Variants in ALOXE3 observed in about 807,000 individuals in gnomAD.
ALOXE3 encodes the protein hydroperoxide isomerase ALOXE3.
A neutral mutation model predicts 87.5 loss-of-function variants in ALOXE3; 78 were observed. The ratio of observed to expected loss-of-function variants is 0.89; its 90% confidence interval spans 0.74 to 1.08. ALOXE3 has a LOEUF of 1.08. Among genes scored for constraint, ALOXE3 ranks in the 50% least tolerant of loss-of-function variants. The pLI, the probability that ALOXE3 is intolerant of heterozygous loss-of-function variation, is 0.00. For missense variants in ALOXE3, 946 were observed against 912.4 expected (o/e 1.04, Z -0.47); for synonymous variants, 363 against 370.8 (o/e 0.98, Z 0.24).
In ALOXE3 at chr17:8,108,706, G is replaced by A. The variant is rs2151837332; in HGVS notation, c.1563-117C>T. The stretch of plus-strand genomic sequence containing the variant: ...GACAGATAGCCATGGGGGTTCAGCA[G>A]GGACCCCCAGGTGCAGCTGGAATCT... On this transcript the variant is annotated intron_variant, in intron 12 of 15. Transcript: ENST00000448843. 1 of 1,436,890 alleles carries A rather than the reference G, an allele frequency of 7.0e-7. No homozygotes were observed. 89.0% of individuals were successfully genotyped at this position (1,436,890 alleles called of 1,614,324 possible).
chr17:8,103,104 G>A (rs982214341), intron 15 of ALOXE3, among the ~76,000 whole-genome samples: 10 of 152,148 alleles, frequency 6.6e-5, no homozygotes, highest in South Asian at 2.1e-4. Flanking sequence ...ATGAACATTC[G>A]GATAAATGGA....
At chr17:8,104,272 C>T (rs895417444) in intron 13 of ALOXE3, 57 bp from the exon 14 acceptor site, 2 of 1,360,948 alleles carry the variant, frequency 1.5e-6, no homozygotes, top group South Asian at 2.4e-5. Context: ...ATTCCTAGGG[C>T]CAGCTCAGGA....
intron 13 of ALOXE3, among the ~76,000 whole-genome samples, chr17:8,107,896 A>AT (rs1979522792): frequency 1.7e-4 from 1 of 5,790 alleles, no homozygotes; most frequent in African/African-American, 6.6e-4. Context: ...AAAGAAAGAA[A>AT]GAAAGAAAGA....
intron 7 of ALOXE3, 82 bp downstream of exon 7, chr17:8,112,011 G>A (rs1198703344): frequency 8.6e-6 from 11 of 1,283,028 alleles, no homozygotes; most frequent in South Asian, 4.8e-5. Context: ...GCTGGGAGAG[G>A]GCCCTTTCCC....
At chr17:8,108,976 C>T (rs79530191) in intron 12 of ALOXE3, among the ~76,000 whole-genome samples, 198 bp downstream of exon 12, 3,136 of 152,278 alleles carry the variant, frequency 0.021, 98 homozygotes, top group African/African-American at 0.071. Flanking sequence ...CCTGCATCCA[C>T]ACACCCCCAA....
rs1429262328 is a variant in ALOXE3 at position 8,108,067 on chromosome 17, G to GAAAT, written c.1684+400_1684+401insATTT. Among the ~76,000 whole-genome samples the GAAAT allele has an allele frequency of 1.9e-4, 11 of 58,232 alleles. 5 individuals carry two copies. Among genetic ancestry groups the GAAAT allele is most frequent in the Admixed American group, 7.4e-4 (4 of 5,436 alleles). The allele number at this position is 58,232 out of a possible 152,430, so 38.2% of individuals were successfully genotyped here. A position where few individuals can be genotyped will look rare whatever the true frequency, so the allele number is the denominator to read the frequency against. ...AGAAAGAAAGAAAGAAAGAAAGAAA[G>GAAAT]GAAGAGAGGTTGGTGGCTGGAGGGG... is the stretch of plus-strand genomic sequence containing the variant. On this transcript the variant is annotated intron_variant, in intron 13 of 15. Coordinates refer to ENST00000448843, the MANE Select transcript of ALOXE3 (RefSeq NM_021628.3).
At chr17:8,097,839 C>T (rs559375484) in intron 15 of ALOXE3, among the ~76,000 whole-genome samples, 2 of 151,774 alleles carry the variant, frequency 1.3e-5, no homozygotes, top group East Asian at 1.9e-4. Flanking sequence ...GCTCTACCTC[C>T]CGGGTTCACG....
chr17:8,113,310 A>G (rs1980263219), intron 6 of ALOXE3, among the ~76,000 whole-genome samples: 1 of 152,194 alleles, frequency 6.6e-6, no homozygotes, highest in Non-Finnish European at 1.5e-5. Context: ...TGTCTGCCCC[A>G]CCATATCCAG....
In ALOXE3 at chr17:8,101,801, G is replaced by A. The variant is rs543410111; in HGVS notation, c.1956+1522C>T. ...ACCACAGGCACACACTAATACGCCC[G>A]ATTAATTTTTGTGTTTTGGGTAGAG... On this transcript the variant is annotated intron_variant, in intron 15 of 15. Transcript: ENST00000448843. 1.4e-4 allele frequency among the ~76,000 whole-genome samples: 22 copies of A among 152,034 alleles called. No individual in the cohort carries two copies. The South Asian group carries it at 4.4e-3, about 30-fold the overall frequency.
At chr17:8,110,670 C>A (rs973030994) in intron 8 of ALOXE3, 142 bp from the exon 9 acceptor site, 7 of 1,218,840 alleles carry the variant, frequency 5.7e-6, no homozygotes, top group Non-Finnish European at 8.0e-6. Context: ...AATTAATGGC[C>A]AAAGTGGGGT....
rs1355682326 is a variant in ALOXE3 at position 8,096,900 on chromosome 17, C to T, written c.1957-94G>A. The stretch of plus-strand genomic sequence containing the variant: ...GTAACAGCAAATCCAGTCAAGGTGG[C>T]TTCTAGTAGCACAACCCAGTTGCAG... On this transcript the variant is annotated intron_variant, in intron 15 of 15. Coordinates refer to ENST00000448843, the MANE Select transcript of ALOXE3 (RefSeq NM_021628.3). 3 of 1,419,694 alleles carry T rather than the reference C, an allele frequency of 2.1e-6. No homozygotes were observed. The African/African-American group carries it at 4.2e-5, about 20-fold the overall frequency. The allele number at this position is 1,419,694 out of a possible 1,614,324, so 87.9% of individuals were successfully genotyped here.
At chr17:8,113,331 G>A (rs1293533853) in intron 6 of ALOXE3, among the ~76,000 whole-genome samples, 3 of 152,188 alleles carry the variant, frequency 2.0e-5, no homozygotes, top group Admixed American at 2.0e-4. Flanking sequence ...TTCATAATAT[G>A]CACTCACTAA....
At chr17:8,104,756 C>T (rs989385879) in intron 13 of ALOXE3, among the ~76,000 whole-genome samples, 1 of 152,128 alleles carries the variant, frequency 6.6e-6, no homozygotes, top group African/African-American at 2.4e-5. Context: ...TTAGTGGAGG[C>T]CTCCTGGAGG....
At position 8,096,692 on chromosome 17, in the gene ALOXE3, G is replaced by C. The variant is rs1978560693; in HGVS notation, c.2071C>G (p.Gln691Glu). ...QISRDIQERNQGLALPYTYLD... is the reference protein window; with the variant it reads ...QISRDIQERNEGLALPYTYLD... The stretch of plus-strand genomic sequence containing the variant: ...TAGGTGTAGGGCAGTGCCAGACCCT[G>C]GTTCCGCTCCTGGATGTCCCTTGAG... The change falls in exon 16 of 16, where the codon CAG (glutamine) becomes GAG (glutamate). Residue 691 changes from glutamine (Q) to glutamate (E), a missense_variant. Coordinates refer to ENST00000448843, the MANE Select transcript of ALOXE3 (RefSeq NM_021628.3). 13 of 1,594,294 alleles carry C rather than the reference G, an allele frequency of 8.2e-6. No individual in the cohort carries two copies. Among genetic ancestry groups the C allele is most frequent in the Non-Finnish European group, 1.1e-5 (13 of 1,162,106 alleles).
chr17:8,112,265 C>T, intron 6 of ALOXE3, 69 bp from the exon 7 acceptor site: 1 of 1,187,692 alleles, frequency 8.4e-7, no homozygotes, highest in Non-Finnish European at 1.3e-6. Flanking sequence ...CTGTGTGCCC[C>T]TCTGCCTGGA....
intron 4 of ALOXE3, 80 bp downstream of exon 4, chr17:8,115,527 A>G: frequency 1.4e-6 from 2 of 1,427,922 alleles, no homozygotes. Flanking sequence ...GTTGAGAATG[A>G]GGTTAGAGTT....
At chr17:8,116,309 T>G (rs2151846490) in intron 3 of ALOXE3, among the ~76,000 whole-genome samples, 1 of 152,192 alleles carries the variant, frequency 6.6e-6, no homozygotes, top group East Asian at 1.9e-4. Context: ...CAACAAGGAA[T>G]CCTAGCAGCA....
intron 15 of ALOXE3, among the ~76,000 whole-genome samples, chr17:8,102,761 A>G (rs1979005078): frequency 6.6e-6 from 1 of 152,168 alleles, no homozygotes; most frequent in African/African-American, 2.4e-5. Context: ...CCCCAGACCC[A>G]TTTAGGTTCC....
intron 7 of ALOXE3, 105 bp downstream of exon 7, chr17:8,111,988 T>C: frequency 9.6e-7 from 1 of 1,046,940 alleles, no homozygotes; most frequent in Non-Finnish European, 1.5e-6. Context: ...AATCCAGCAG[T>C]CTCCCTGGGA....
Sources: gnomAD v4.1 joint callset for allele counts (sites outside exome capture counted in the v4.1 genomes callset) on GRCh38, gnomAD v4.1.1 for gene constraint, MANE v1.5 for transcripts, NCBI Gene and HGNC (gene_info 2026-07-23, HGNC 2026-07-21) for gene names.